PBLD: variants seen among roughly 807,000 people sequenced by gnomAD.
PBLD encodes the protein phenazine biosynthesis like protein domain containing.
PBLD carries 26 observed loss-of-function variants against 31.3 expected under a neutral mutation model. The observed-to-expected ratio is 0.83, with a 90% CI of 0.61 to 1.15. The LOEUF (loss-of-function observed/expected upper bound fraction) is 1.15. Ranked by LOEUF, PBLD falls within the 50% of genes most tolerant of loss-of-function variation. The probability of loss-of-function intolerance (pLI) is 0.00; values close to 1 mark genes in which losing one functional copy is unlikely to be tolerated. For synonymous variants in PBLD, 114 were observed against 129.0 expected, an observed-to-expected ratio of 0.88 and a Z score of 0.79; for missense variants, 307 against 351.7, an observed-to-expected ratio of 0.87 and a Z score of 1.02.
intron 1 of PBLD, among the ~76,000 whole-genome samples, chr10:68,315,203 G>C (rs114051119): frequency 6.6e-6 from 1 of 152,184 alleles, no homozygotes; most frequent in East Asian, 1.9e-4. Flanking sequence ...GGCTGTCTGA[G>C]TCAGTGGATA....
chr10:68,284,337 A>G lies in PBLD; in HGVS notation c.755-48T>C, dbSNP rs369579768. 1.0e-4 allele frequency: 153 copies of G among 1,474,672 alleles called. 1 individual carries two copies. The African/African-American group carries it at 1.9e-3, about 18-fold the overall frequency. 91.3% of individuals were successfully genotyped at this position (1,474,672 alleles called of 1,614,324 possible). On this transcript the variant is annotated intron_variant, in intron 9 of 9. Transcript: ENST00000358769. ...ATTAAGAGTATTTTCACCCTTTTAA[A>G]TTAACAAAGCATAGTGAAAGACTTA...
At chr10:68,304,993 G>A (rs2044556880) in intron 2 of PBLD, among the ~76,000 whole-genome samples, 1 of 152,152 alleles carries the variant, frequency 6.6e-6, no homozygotes, top group Non-Finnish European at 1.5e-5. Context: ...GTAGAGTTAA[G>A]GTAAGACAAG....
chr10:68,293,838 G>T (rs2044390410), intron 4 of PBLD, among the ~76,000 whole-genome samples: 1 of 150,758 alleles, frequency 6.6e-6, no homozygotes, highest in Admixed American at 6.7e-5. Context: ...AGCCAGGCGT[G>T]GTGGCAGGCA....
rs567489132 is a variant in PBLD at position 68,318,460 on chromosome 10, G to C, written c.-59-11557C>G. ...GGTTCCCTTGAGCTCAGGAGTTGGA[G>C]GCTGCAGTGAGATATGATCATGCCA... On this transcript the variant is annotated intron_variant, in intron 1 of 9. Coordinates refer to ENST00000358769, the MANE Select transcript of PBLD (RefSeq NM_022129.4). 8.6e-4 allele frequency among the ~76,000 whole-genome samples: 128 copies of C among 149,638 alleles called. 1 individual carries two copies. Among genetic ancestry groups the C allele is most frequent in the African/African-American group, 3.0e-3 (121 of 40,654 alleles).
intron 1 of PBLD, among the ~76,000 whole-genome samples, chr10:68,314,442 C>T (rs943952444): frequency 1.3e-5 from 2 of 152,294 alleles, no homozygotes; most frequent in African/African-American, 4.8e-5. Flanking sequence ...CTCTCCCCAG[C>T]TACATGATAG....
At position 68,306,856 on chromosome 10, in the gene PBLD, GC is replaced by G; in HGVS notation, c.-13del. ...ATAGGAAGCTTCATTTTCCTTGCAA[GC>G]TGTTTTTGCAAGTTCTCAAAATTGC... On this transcript the variant is annotated 5_prime_UTR_variant, in exon 2 of 10. Transcript: ENST00000358769. The G allele has an allele frequency of 1.2e-6, 2 of 1,600,744 alleles. No homozygotes were observed. The highest frequency in any genetic ancestry group is 1.7e-6 in the Non-Finnish European group (2 of 1,170,312).
intron 1 of PBLD, among the ~76,000 whole-genome samples, chr10:68,313,718 G>A (rs1403446546): frequency 1.3e-5 from 2 of 152,178 alleles, no homozygotes; most frequent in Admixed American, 1.3e-4. Context: ...CAAGGGCCTG[G>A]AAGGGACTTC....
chr10:68,297,008 T>C (rs367938851), intron 2 of PBLD, 23 bp from the exon 3 acceptor site: 50 of 1,572,344 alleles, frequency 3.2e-5, no homozygotes, highest in Non-Finnish European at 4.2e-5. Flanking sequence ...CAGACGATCA[T>C]TGAGGTTTCA....
At chr10:68,317,120 T>C (rs551502027) in intron 1 of PBLD, among the ~76,000 whole-genome samples, 3 of 152,296 alleles carry the variant, frequency 2.0e-5, no homozygotes, top group South Asian at 4.2e-4. Flanking sequence ...GTAGAAACTA[T>C]GGATGCCAGA....
intron 1 of PBLD, among the ~76,000 whole-genome samples, chr10:68,310,426 A>T (rs1438961518): frequency 6.7e-6 from 1 of 148,840 alleles, no homozygotes; most frequent in Non-Finnish European, 1.5e-5. Context: ...TAACAAATGC[A>T]TCACCTCACA....
chr10:68,298,405 T>C (rs931499129), intron 2 of PBLD, among the ~76,000 whole-genome samples: 1 of 152,084 alleles, frequency 6.6e-6, no homozygotes, highest in African/African-American at 2.4e-5. Flanking sequence ...GGAGAGTGGA[T>C]CGCTTGAACC....
chr10:68,307,699 C>G (rs2044601332), intron 1 of PBLD, among the ~76,000 whole-genome samples: 1 of 152,050 alleles, frequency 6.6e-6, no homozygotes, highest in Non-Finnish European at 1.5e-5. Flanking sequence ...TGGAGTTTCA[C>G]CATGTTAGCC....
intron 7 of PBLD, 64 bp from the exon 8 acceptor site, chr10:68,288,725 T>C (rs1474537692): frequency 1.3e-6 from 2 of 1,548,198 alleles, no homozygotes; most frequent in Non-Finnish European, 8.8e-7. Flanking sequence ...ACACAGACTC[T>C]GTGAAGCAGG....
chr10:68,284,791 A>C (rs1051480216), intron 9 of PBLD, among the ~76,000 whole-genome samples: 1 of 152,234 alleles, frequency 6.6e-6, no homozygotes, highest in African/African-American at 2.4e-5. Flanking sequence ...GCATAGCCTC[A>C]GCCTTCCAGG....
intron 1 of PBLD, among the ~76,000 whole-genome samples, chr10:68,330,554 A>G (rs1035135536): frequency 3.5e-4 from 53 of 151,574 alleles, no homozygotes; most frequent in Non-Finnish European, 1.2e-4. Context: ...TTTGGGGGGG[A>G]AAGGGAGGTG....
chr10:68,324,443 G>C (rs1271554032), intron 1 of PBLD, among the ~76,000 whole-genome samples: 1 of 151,984 alleles, frequency 6.6e-6, no homozygotes, highest in Non-Finnish European at 1.5e-5. Context: ...CCAAAGTGCT[G>C]AGATTACAGG....
intron 2 of PBLD, among the ~76,000 whole-genome samples, chr10:68,305,513 AGAG>A (rs1430623347): frequency 6.6e-6 from 1 of 151,972 alleles, no homozygotes; most frequent in African/African-American, 2.4e-5. Context: ...CAGCATTTTG[AGAG>A]GCCAAGGCAG....
intron 1 of PBLD, among the ~76,000 whole-genome samples, chr10:68,327,447 A>G (rs912736044): frequency 6.6e-6 from 1 of 152,108 alleles, no homozygotes; most frequent in African/African-American, 2.4e-5. Context: ...TGGAAGGCTG[A>G]GGCAGGTGGA....
intron 2 of PBLD, 138 bp downstream of exon 2, chr10:68,306,623 A>G (rs940033891): frequency 1.5e-5 from 10 of 688,516 alleles, no homozygotes; most frequent in Admixed American, 1.3e-4. Context: ...ACTTGCATAC[A>G]TGAACATTAC....
Sources: gnomAD v4.1 joint callset for allele counts (sites outside exome capture counted in the v4.1 genomes callset) on GRCh38, gnomAD v4.1.1 for gene constraint, MANE v1.5 for transcripts, NCBI Gene and HGNC (gene_info 2026-07-23, HGNC 2026-07-21) for gene names.